The following SLC26A11 variants were observed in gnomAD, a reference collection of about 807,000 sequenced individuals.
SLC26A11 encodes the protein sodium-independent sulfate anion transporter.
Under a neutral mutation model 62.2 loss-of-function variants are expected in SLC26A11, and 58 were observed. The ratio of observed to expected loss-of-function variants is 0.93; its 90% CI spans 0.76 to 1.16. The LOEUF (loss-of-function observed/expected upper bound fraction) is 1.16, where lower values mean the gene tolerates loss of function less well. Among genes scored for constraint, SLC26A11 ranks in the 50% most tolerant of loss-of-function variants. The probability of loss-of-function intolerance (pLI) is 0.00; values close to 1 mark genes in which losing one functional copy is unlikely to be tolerated. For synonymous variants in SLC26A11, 411 were observed against 368.9 expected (o/e 1.11, Z -1.31); for missense variants, 790 against 794.3 (o/e 0.99, Z 0.06).
chr17:80,244,467 G>A (rs1209192116), intron 10 of SLC26A11, among the ~76,000 whole-genome samples: 1 of 152,176 alleles, frequency 6.6e-6, no homozygotes, highest in Non-Finnish European at 1.5e-5. Context: ...CCCCCTCCTG[G>A]GTGGTGAGAT....
intron 9 of SLC26A11, among the ~76,000 whole-genome samples, chr17:80,238,012 C>A (rs2042746480): frequency 6.6e-6 from 1 of 152,188 alleles, no homozygotes; most frequent in African/African-American, 2.4e-5. Context: ...GTGCAAATAA[C>A]CTCATCAGTA....
At chr17:80,247,299 C>G (rs919056874) in intron 13 of SLC26A11, among the ~76,000 whole-genome samples, 4 of 152,090 alleles carry the variant, frequency 2.6e-5, no homozygotes, top group Non-Finnish European at 4.4e-5. Flanking sequence ...ACCTTTCCCC[C>G]CTTTCTATTC....
In SLC26A11 at chr17:80,252,275, G is replaced by A. The variant is rs1384676844; in HGVS notation, c.1730-350G>A. Reference sequence around the variant, plus strand: ...TCCGTGAGAGTGAGGGGTGGCGGATGTTGTACTGACTTCCTTGGCTCAATG... The same window carrying A: ...TCCGTGAGAGTGAGGGGTGGCGGATATTGTACTGACTTCCTTGGCTCAATG... On this transcript the variant is annotated intron_variant, in intron 17 of 17. Coordinates refer to ENST00000361193, the MANE Select transcript of SLC26A11 (RefSeq NM_001166347.2). This position sits in a 1 kb window ranked among gnomAD's most constrained non-coding sequence, Gnocchi z 5.2. 1.3e-5 allele frequency among the ~76,000 whole-genome samples: 2 copies of A among 152,206 alleles called. No individual in the cohort carries two copies. The highest frequency in any genetic ancestry group is 2.9e-5 in the Non-Finnish European group (2 of 68,034).
At position 80,223,820 on chromosome 17, in the gene SLC26A11, C is replaced by G. The variant is rs947459751; in HGVS notation, c.513+483C>G. On this transcript the variant is annotated intron_variant, in intron 5 of 17. Coordinates refer to ENST00000361193, the MANE Select transcript of SLC26A11 (RefSeq NM_001166347.2). The surrounding 1 kb of genome is among the most constrained non-coding windows in gnomAD (Gnocchi z 4.6). Reference sequence around the variant, plus strand: ...TTAAATGCCATGCCTTTTATATTTTCTTTTAAAACATTTATAATAAGTACT... The same window carrying G: ...TTAAATGCCATGCCTTTTATATTTTGTTTTAAAACATTTATAATAAGTACT... 6.6e-6 allele frequency among the ~76,000 whole-genome samples: 1 copy of G among 152,030 alleles called. No homozygotes were observed. Among genetic ancestry groups the G allele is most frequent in the South Asian group, 2.1e-4 (1 of 4,820 alleles).
At chr17:80,225,164 ACCCCCACC>A (rs1324126074) in intron 5 of SLC26A11, among the ~76,000 whole-genome samples, 1 of 150,578 alleles carries the variant, frequency 6.6e-6, no homozygotes, top group African/African-American at 2.4e-5. Flanking sequence ...AGCAAGCAAG[ACCCCCACC>A]CCCCAACCCC....
In SLC26A11 at chr17:80,247,211, G is replaced by C. The variant is rs1173491848; in HGVS notation, c.1294+562G>C. Among the ~76,000 whole-genome samples the C allele has an allele frequency of 2.0e-5, 3 of 152,218 alleles. No homozygotes were observed. The East Asian group carries it at 5.8e-4, about 29-fold the overall frequency. On this transcript the variant is annotated intron_variant, in intron 13 of 17. Coordinates refer to ENST00000361193, the MANE Select transcript of SLC26A11 (RefSeq NM_001166347.2). ...AGGCAGAGGAATTTTTCTTAGTGCA[G>C]AACAAAATGAAAAGTCTCCCATGTC...
intron 7 of SLC26A11, among the ~76,000 whole-genome samples, chr17:80,230,309 G>C (rs901055708): frequency 1.3e-5 from 2 of 151,986 alleles, no homozygotes; most frequent in Non-Finnish European, 2.9e-5. Flanking sequence ...CACAAGGGGA[G>C]ACAGCGAAAG....
At chr17:80,239,428 C>T (rs1399649700) in intron 9 of SLC26A11, among the ~76,000 whole-genome samples, 18 of 145,804 alleles carry the variant, frequency 1.2e-4, no homozygotes, top group East Asian at 1.0e-3. Context: ...CTCGCTCTGT[C>T]GCCCAGGCTG....
At chr17:80,226,080 A>G (rs1005931977) in intron 6 of SLC26A11, among the ~76,000 whole-genome samples, 164 bp downstream of exon 6, 1 of 152,120 alleles carries the variant, frequency 6.6e-6, no homozygotes, top group Non-Finnish European at 1.5e-5. Flanking sequence ...TGAGACTCTC[A>G]GTCCTTTGCA....
At chr17:80,239,598 C>T (rs374587580) in intron 9 of SLC26A11, among the ~76,000 whole-genome samples, 25 of 151,776 alleles carry the variant, frequency 1.6e-4, no homozygotes, top group African/African-American at 5.8e-4. Flanking sequence ...ACCGTGGTCT[C>T]GATCTCCTGA....
Position 80,248,117 on chromosome 17 carries a change from G to T in SLC26A11, c.1295-13G>T. 1 of 1,597,848 alleles carries T rather than the reference G, an allele frequency of 6.3e-7. No individual in the cohort carries two copies. The highest frequency in any genetic ancestry group is 1.1e-5 in the South Asian group (1 of 90,454). On this transcript the variant is annotated splice_polypyrimidine_tract_variant and intron_variant, in intron 13 of 17. Transcript: ENST00000361193. Reference sequence around the variant, plus strand: ...CAGCTGCCGGGCATTCCTCAGCTGTGCCCTTCTCCTAGGGCTGGACCTGCT... The same window carrying T: ...CAGCTGCCGGGCATTCCTCAGCTGTTCCCTTCTCCTAGGGCTGGACCTGCT...
intron 16 of SLC26A11, 144 bp from the exon 17 acceptor site, chr17:80,251,185 G>A: frequency 6.6e-7 from 1 of 1,520,278 alleles, no homozygotes. Context: ...TTCCCCTGGG[G>A]CTGCGTTTCT....
intron 11 of SLC26A11, chr17:80,245,517 G>A (rs1422573950): frequency 1.9e-5 from 9 of 476,262 alleles, no homozygotes; most frequent in South Asian, 2.4e-5. Context: ...CTCTGGAGGC[G>A]GAAGCAGGAG....
At chr17:80,249,478 A>G (rs560279660) in intron 16 of SLC26A11, among the ~76,000 whole-genome samples, 191 bp downstream of exon 16, 3 of 152,200 alleles carry the variant, frequency 2.0e-5, no homozygotes, top group African/African-American at 7.2e-5. Flanking sequence ...TGGAAGGGGG[A>G]GCGGTGGCCC....
chr17:80,237,421 CTGT>C (rs1426566212), intron 8 of SLC26A11, 98 bp from the exon 9 acceptor site: 1 of 1,128,276 alleles, frequency 8.9e-7, no homozygotes, highest in Admixed American at 2.4e-5. Flanking sequence ...GCACTTGCTC[CTGT>C]TACCTGTGGG....
intron 6 of SLC26A11, among the ~76,000 whole-genome samples, chr17:80,227,125 CTT>C (rs1485848419): frequency 6.6e-6 from 1 of 152,192 alleles, no homozygotes; most frequent in Non-Finnish European, 1.5e-5. Context: ...GGTGTCCAGT[CTT>C]TTGTCTTCCC....
At chr17:80,224,862 G>A (rs2042362416) in intron 5 of SLC26A11, among the ~76,000 whole-genome samples, 1 of 152,020 alleles carries the variant, frequency 6.6e-6, no homozygotes, top group South Asian at 2.1e-4. Context: ...GGGGGGAGGG[G>A]CGTCCTCCTG....
At position 80,227,849 on chromosome 17, in the gene SLC26A11, A is replaced by ATGC. The variant is rs754665346; in HGVS notation, c.637_639dup (p.Leu213dup). ...TGACGCCGTCCTGGGGCTGGTCTGCATGCTGCTGCTGCTGGTGCTGAAGCT... is the reference window on the plus strand; with the variant it reads ...TGACGCCGTCCTGGGGCTGGTCTGCATGCTGCTGCTGCTGCTGGTGCTGAAGCT... On this transcript the variant is annotated inframe_insertion, in exon 7 of 18. Transcript: ENST00000361193. 3 of 1,603,426 alleles carry ATGC rather than the reference A, an allele frequency of 1.9e-6. No homozygotes were observed. Among genetic ancestry groups the ATGC allele is most frequent in the East Asian group, 2.2e-5 (1 of 44,872 alleles).
Position 80,237,110 on chromosome 17 carries a change from G to A in SLC26A11, c.912+7G>A, listed in dbSNP as rs765598508. The A allele has an allele frequency of 3.2e-5, 51 of 1,604,208 alleles. No individual in the cohort carries two copies. Among genetic ancestry groups the A allele is most frequent in the Middle Eastern group, 3.3e-4 (2 of 6,050 alleles). On this transcript the variant is annotated splice_region_variant and intron_variant, in intron 8 of 17. Transcript: ENST00000361193. ...CTTCACCGAGATGGTGCAGGTGGGC[G>A]GAGCCGGGAGGCAGGATGGCGTGGC...
Sources: allele counts gnomAD v4.1 joint callset (sites outside exome capture counted in the v4.1 genomes callset), GRCh38; gene constraint gnomAD v4.1.1; non-coding constraint Gnocchi (gnomAD v3.1); transcripts MANE v1.5; gene names NCBI Gene and HGNC (gene_info 2026-07-23, HGNC 2026-07-21).